NSUN3: variants seen among roughly 807,000 people sequenced by gnomAD.
The protein encoded by NSUN3 is NOP2/Sun RNA methyltransferase 3.
A neutral mutation model predicts 36.8 loss-of-function variants in NSUN3; 24 were observed. The ratio of observed to expected loss-of-function variants is 0.65; its 90% CI spans 0.47 to 0.92. The LOEUF is 0.92. Ranked by LOEUF, NSUN3 falls within the 40% of genes least tolerant of loss-of-function variation. The pLI is 0.00. For missense variants in NSUN3, 381 were observed against 392.8 expected (o/e 0.97, Z 0.25); for synonymous variants, 146 against 145.2 (o/e 1.01, Z -0.04).
chr3:94,091,310 A>G (rs761624518), intron 3 of NSUN3, among the ~76,000 whole-genome samples: 2 of 152,214 alleles, frequency 1.3e-5, no homozygotes, highest in South Asian at 4.1e-4. Flanking sequence ...TATTCAGTCA[A>G]TAATGCTCCT....
At position 94,070,111 on chromosome 3, in the gene NSUN3, A is replaced by G. The variant is rs376264438; in HGVS notation, c.122+5565A>G. Among the ~76,000 whole-genome samples, 12 of 152,256 alleles carry G rather than the reference A, an allele frequency of 7.9e-5. No homozygotes were observed. The East Asian group carries it at 1.2e-3, about 15-fold the overall frequency. On this transcript the variant is annotated intron_variant, in intron 2 of 5. Transcript: ENST00000314622. Reference sequence around the variant, plus strand: ...ATCAGTAAATAGATGTGCCTAGCCTATAGTTGACAGACGGTGTATTTTTAG... The same window carrying G: ...ATCAGTAAATAGATGTGCCTAGCCTGTAGTTGACAGACGGTGTATTTTTAG...
At chr3:94,067,505 A>G (rs1184987159) in intron 2 of NSUN3, among the ~76,000 whole-genome samples, 1 of 152,112 alleles carries the variant, frequency 6.6e-6, no homozygotes, top group Non-Finnish European at 1.5e-5. Flanking sequence ...AGACTCAACT[A>G]CCCTGCCCCC....
intron 5 of NSUN3, among the ~76,000 whole-genome samples, chr3:94,095,986 C>T (rs2077337500): frequency 6.7e-6 from 1 of 149,954 alleles, no homozygotes; most frequent in Non-Finnish European, 1.5e-5. Context: ...GTCTTGAACT[C>T]CTGACCTCGT....
chr3:94,076,375 T>G (rs1227219931), intron 2 of NSUN3: 1 of 809,698 alleles, frequency 1.2e-6, no homozygotes, highest in Non-Finnish European at 2.2e-6. Context: ...GAGCGTCAAC[T>G]GAGTGGCTTG....
chr3:94,102,583 T>A (rs1236047970), intron 5 of NSUN3, among the ~76,000 whole-genome samples: 2 of 152,298 alleles, frequency 1.3e-5, no homozygotes, highest in East Asian at 3.9e-4. Flanking sequence ...ATTCTTCATC[T>A]TGTTTCTTTT....
chr3:94,086,857 A>G (rs2077294599), intron 3 of NSUN3, among the ~76,000 whole-genome samples: 1 of 152,206 alleles, frequency 6.6e-6, no homozygotes, highest in Non-Finnish European at 1.5e-5. Flanking sequence ...CATTGTTTTT[A>G]TAAGTTAAAA....
At chr3:94,076,197 C>T in intron 2 of NSUN3, 6 of 934,378 alleles carry the variant, frequency 6.4e-6, no homozygotes, top group Non-Finnish European at 1.1e-5. Context: ...AAAATAGTCT[C>T]ACTGTGAGGT....
At position 94,130,756 on chromosome 3, in the gene NSUN3, T is replaced by C. The variant is rs189055905; in HGVS notation, c.*4266T>C. ...TTGGCCACAGCTGAATGATTGAGAA[T>C]TACCAGATAAATCCTCCAAATCCAT... On this transcript the variant is annotated 3_prime_UTR_variant, in exon 6 of 6. Coordinates refer to ENST00000314622, the MANE Select transcript of NSUN3 (RefSeq NM_022072.5). 2.0e-3 allele frequency among the ~76,000 whole-genome samples: 308 copies of C among 152,238 alleles called. 8 individuals carry two copies. Among genetic ancestry groups the C allele is most frequent in the Admixed American group, 0.019 (283 of 15,296 alleles).
chr3:94,084,447 C>A lies in NSUN3; in HGVS notation c.463C>A (p.Pro155Thr). 6.2e-7 allele frequency: 1 copy of A among 1,606,754 alleles called. No individual in the cohort carries two copies. The highest frequency in any genetic ancestry group is 8.5e-7 in the Non-Finnish European group (1 of 1,175,926). The change falls in exon 3 of 6, where the codon CCA (proline) becomes ACA (threonine). Residue 155 changes from proline (P) to threonine (T), a missense_variant. Pro to Thr is a conservative substitution (Grantham distance 38, BLOSUM62 -1). Coordinates refer to ENST00000314622, the MANE Select transcript of NSUN3 (RefSeq NM_022072.5). ...KSIALLQCAC[P>T]GYLHCNEYDS... ...AATAGCTCTGCTGCAGTGTGCTTGT[C>A]CAGGTAGTGTGCTTTCCTTTCAGTA... is the stretch of plus-strand genomic sequence containing the variant.
chr3:94,083,910 G>T (rs2077281437), intron 2 of NSUN3, among the ~76,000 whole-genome samples, 197 bp from the exon 3 acceptor site: 1 of 152,046 alleles, frequency 6.6e-6, no homozygotes, highest in African/African-American at 2.4e-5. Flanking sequence ...ATAAAGACAG[G>T]ATCATAACAA....
intron 5 of NSUN3, among the ~76,000 whole-genome samples, chr3:94,101,920 G>A (rs776688406): frequency 4.6e-5 from 7 of 152,058 alleles, no homozygotes; most frequent in Non-Finnish European, 1.0e-4. Context: ...AGGTGGGAAA[G>A]CACTAACTGA....
At chr3:94,092,906 C>T (rs545818537) in intron 3 of NSUN3, among the ~76,000 whole-genome samples, 100 of 105,674 alleles carry the variant, frequency 9.5e-4, no homozygotes, top group African/African-American at 3.7e-3. Context: ...GGCAACAGAG[C>T]GAGACTGCAT....
chr3:94,108,663 T>C (rs149551630), intron 5 of NSUN3, among the ~76,000 whole-genome samples: 254 of 149,328 alleles, frequency 1.7e-3, no homozygotes, highest in Middle Eastern at 7.2e-3. Context: ...CTGGCCTTTT[T>C]ATTTTATTTT....
chr3:94,108,916 C>T (rs1358208202), intron 5 of NSUN3, among the ~76,000 whole-genome samples: 2 of 152,192 alleles, frequency 1.3e-5, no homozygotes, highest in African/African-American at 4.8e-5. Flanking sequence ...TCACCCAACT[C>T]GGCCTCCCAA....
chr3:94,113,443 C>T (rs1483840991), intron 5 of NSUN3, among the ~76,000 whole-genome samples: 1 of 152,104 alleles, frequency 6.6e-6, no homozygotes, highest in Non-Finnish European at 1.5e-5. Context: ...TAACATATAA[C>T]ACACTTAACG....
At chr3:94,076,406 C>G in intron 2 of NSUN3, 1 of 799,560 alleles carries the variant, frequency 1.3e-6, no homozygotes, top group Non-Finnish European at 2.3e-6. Context: ...ATTGTTTGAA[C>G]AAGTATCCCA....
chr3:94,092,919 CAA>C (rs1161530879), intron 3 of NSUN3, among the ~76,000 whole-genome samples: 2 of 24,638 alleles, frequency 8.1e-5, no homozygotes, highest in Non-Finnish European at 1.4e-4. Flanking sequence ...GACTGCATCT[CAA>C]AAAAAAAAAA....
At chr3:94,109,618 T>C (rs541244566) in intron 5 of NSUN3, among the ~76,000 whole-genome samples, 1 of 152,306 alleles carries the variant, frequency 6.6e-6, no homozygotes, top group African/African-American at 2.4e-5. Context: ...CACATCCGGT[T>C]TGATGATGTG....
At chr3:94,104,057 G>A (rs551643963) in intron 5 of NSUN3, among the ~76,000 whole-genome samples, 2 of 152,290 alleles carry the variant, frequency 1.3e-5, no homozygotes, top group African/African-American at 2.4e-5. Flanking sequence ...AATGTTCCTG[G>A]TTAGGATTGC....
Sources: gnomAD v4.1 joint callset for allele counts (sites outside exome capture counted in the v4.1 genomes callset) on GRCh38, gnomAD v4.1.1 for gene constraint, MANE v1.5 for transcripts, NCBI Gene and HGNC (gene_info 2026-07-23, HGNC 2026-07-21) for gene names.